The following CNTN4 variants were observed in gnomAD, a reference collection of about 807,000 sequenced individuals.
CNTN4 encodes the protein contactin 4.
CNTN4 carries 77 observed loss-of-function variants against 122.5 expected under a neutral mutation model. That is an observed-to-expected ratio of 0.63 (90% CI 0.52 to 0.76). CNTN4 has a LOEUF of 0.76. CNTN4 is among the 30% of genes least tolerant of loss of function. The pLI is 0.00. For synonymous variants in CNTN4, 512 were observed against 447.0 expected, an observed-to-expected ratio of 1.15 and a Z score of -1.83; for missense variants, 1,256 against 1,259.1, an observed-to-expected ratio of 1.00 and a Z score of 0.04.
At chr3:2,904,169 G>A (rs1325342550) in intron 12 of CNTN4, among the ~76,000 whole-genome samples, 1 of 152,164 alleles carries the variant, frequency 6.6e-6, no homozygotes, top group African/African-American at 2.4e-5. Flanking sequence ...TATTTTAGAG[G>A]CTTTCAGTAG....
rs1450311195 is a variant in CNTN4 at position 3,003,713 on chromosome 3, AAC to A, written c.1486+15243_1486+15244del. Among the ~76,000 whole-genome samples the A allele has an allele frequency of 4.6e-3, 660 of 144,268 alleles. 17 individuals carry two copies. The highest frequency in any genetic ancestry group is 7.8e-3 in the Middle Eastern group (2 of 258). The allele number at this position is 144,268 out of a possible 152,430, so 94.6% of individuals were successfully genotyped here. Reference sequence around the variant, plus strand: ...AAAAAAAAAAAAAAAAAAAAAAAAAAACAAAAAAACCCCACTGAATTGTATAC... The same window carrying A: ...AAAAAAAAAAAAAAAAAAAAAAAAAAAAAAAAACCCCACTGAATTGTATAC... On this transcript the variant is annotated intron_variant, in intron 14 of 24. Coordinates refer to ENST00000418658, the MANE Select transcript of CNTN4 (RefSeq NM_175607.3).
intron 3 of CNTN4, among the ~76,000 whole-genome samples, chr3:2,473,769 T>C (rs577679289): frequency 7.2e-5 from 11 of 152,166 alleles, no homozygotes; most frequent in African/African-American, 2.2e-4. Flanking sequence ...TCCCAGCACT[T>C]TGGGAGGCCG....
intron 13 of CNTN4, among the ~76,000 whole-genome samples, chr3:2,933,024 G>T (rs948719624): frequency 6.6e-6 from 1 of 151,908 alleles, no homozygotes; most frequent in Admixed American, 6.6e-5. Flanking sequence ...AAGTTTCACC[G>T]TGTTAGCCAG....
chr3:2,921,295 C>T (rs2094427739), intron 12 of CNTN4, among the ~76,000 whole-genome samples: 1 of 152,200 alleles, frequency 6.6e-6, no homozygotes, highest in Admixed American at 6.5e-5. Context: ...CCTTGGCCTC[C>T]CAAAGTGCTG....
chr3:2,761,358 A>G (rs908329931), intron 6 of CNTN4, among the ~76,000 whole-genome samples: 1 of 152,088 alleles, frequency 6.6e-6, no homozygotes, highest in Admixed American at 6.6e-5. Context: ...GAATGGACAT[A>G]ATGATAGTAT....
At chr3:2,466,391 C>T (rs2075497317) in intron 3 of CNTN4, among the ~76,000 whole-genome samples, 1 of 152,144 alleles carries the variant, frequency 6.6e-6, no homozygotes, top group South Asian at 2.1e-4. Context: ...TATCTTTCAC[C>T]AACATCTACA....
chr3:2,343,556 AAACC>A (rs1265961453), intron 3 of CNTN4, among the ~76,000 whole-genome samples: 1 of 152,210 alleles, frequency 6.6e-6, no homozygotes, highest in African/African-American at 2.4e-5. Flanking sequence ...TCTAGAGGGT[AAACC>A]CCAGAAAATT....
At chr3:2,291,792 G>A (rs765309818) in intron 2 of CNTN4, among the ~76,000 whole-genome samples, 3 of 152,114 alleles carry the variant, frequency 2.0e-5, no homozygotes, top group Admixed American at 6.5e-5. Flanking sequence ...AGAGGGCGAT[G>A]GCAGGATCTT....
intron 13 of CNTN4, among the ~76,000 whole-genome samples, chr3:2,980,196 A>G (rs761978603): frequency 6.6e-6 from 1 of 152,200 alleles, no homozygotes; most frequent in African/African-American, 2.4e-5. Flanking sequence ...CAGTGAGGGA[A>G]CAACTGCTTC....
intron 8 of CNTN4, among the ~76,000 whole-genome samples, chr3:2,877,904 A>T (rs1270986999): frequency 2.0e-5 from 3 of 152,212 alleles, no homozygotes; most frequent in Non-Finnish European, 4.4e-5. Flanking sequence ...TAGTTAAAAT[A>T]AAAAAATTAG....
intron 4 of CNTN4, among the ~76,000 whole-genome samples, chr3:2,699,009 G>A (rs1048633101): frequency 1.5e-5 from 2 of 134,884 alleles, no homozygotes; most frequent in Non-Finnish European, 3.2e-5. Context: ...GGCGACAAGA[G>A]CGAGACTCTG....
At chr3:3,055,277 A>T (rs1003309900) in intron 24 of CNTN4, among the ~76,000 whole-genome samples, 6 of 152,106 alleles carry the variant, frequency 3.9e-5, no homozygotes. Flanking sequence ...TCGCTTCATT[A>T]AAAATCTGAC....
chr3:2,496,718 G>A (rs936065923), intron 3 of CNTN4, among the ~76,000 whole-genome samples: 2 of 152,146 alleles, frequency 1.3e-5, no homozygotes, highest in Non-Finnish European at 2.9e-5. Context: ...GGAAGGTCCA[G>A]GAATGTTGTC....
intron 3 of CNTN4, chr3:2,511,233 G>C (rs529825388): frequency 6.6e-6 from 1 of 152,348 alleles, no homozygotes; most frequent in East Asian, 1.9e-4. Context: ...TGCCCATTGG[G>C]AAAGAAGCCT....
chr3:2,640,318 T>G (rs571509709), intron 4 of CNTN4, among the ~76,000 whole-genome samples: 1 of 152,330 alleles, frequency 6.6e-6, no homozygotes, highest in South Asian at 2.1e-4. Context: ...ACTGTAGCAC[T>G]TTTTATATTT....
At chr3:2,362,964 T>C (rs1240890921) in intron 3 of CNTN4, among the ~76,000 whole-genome samples, 1 of 152,138 alleles carries the variant, frequency 6.6e-6, no homozygotes, top group East Asian at 1.9e-4. Flanking sequence ...ACAGACTGTT[T>C]TTTTTCCTTT....
chr3:2,667,202 C>T (rs1220394133), intron 4 of CNTN4, among the ~76,000 whole-genome samples: 2 of 152,144 alleles, frequency 1.3e-5, no homozygotes, highest in African/African-American at 4.8e-5. Flanking sequence ...TTTACAGTCC[C>T]ACTAACAGTG....
chr3:2,783,699 T>G (rs1211987858), intron 6 of CNTN4, among the ~76,000 whole-genome samples: 4 of 152,214 alleles, frequency 2.6e-5, no homozygotes, highest in Non-Finnish European at 5.9e-5. Flanking sequence ...AAATTTCATG[T>G]CTCTCATGTT....
At chr3:2,632,980 T>C (rs2082508716) in intron 4 of CNTN4, among the ~76,000 whole-genome samples, 1 of 148,672 alleles carries the variant, frequency 6.7e-6, no homozygotes. Flanking sequence ...ATATTTTGTA[T>C]ATATAATTTA....
Sources: allele counts gnomAD v4.1 joint callset (sites outside exome capture counted in the v4.1 genomes callset), GRCh38; gene constraint gnomAD v4.1.1; transcripts MANE v1.5; gene names NCBI Gene and HGNC (gene_info 2026-07-23, HGNC 2026-07-21).